Variants in VEGFD observed in about 807,000 individuals in gnomAD.
The protein encoded by VEGFD is c-fos induced growth factor (vascular endothelial growth factor D).
In VEGFD, 26 loss-of-function variants were observed where a neutral mutation model predicts 28.0. That is an observed-to-expected ratio of 0.93 (90% CI 0.68 to 1.29). The LOEUF (loss-of-function observed/expected upper bound fraction) is 1.29, where lower values mean the gene tolerates loss of function less well. VEGFD is among the 50% of genes most tolerant of loss of function. The probability of loss-of-function intolerance (pLI) is 0.00; values close to 1 mark genes in which losing one functional copy is unlikely to be tolerated. For missense variants in VEGFD, 294 were observed against 273.4 expected (o/e 1.08, Z -0.53); for synonymous variants, 93 against 95.5 (o/e 0.97, Z 0.15).
intron 5 of VEGFD, among the ~76,000 whole-genome samples, chrX:15,351,987 T>TA (rs1922742547): frequency 8.9e-6 from 1 of 112,409 alleles, no homozygotes; most frequent in African/African-American, 3.2e-5. Context: ...CACCCCTTGG[T>TA]GCTGCCTCAC....
intron 6 of VEGFD, 78 bp from the exon 7 acceptor site, chrX:15,346,337 TAAG>T: frequency 1.9e-6 from 2 of 1,064,214 alleles, no homozygotes; most frequent in Non-Finnish European, 2.5e-6. Flanking sequence ...CTGATTTGAT[TAAG>T]TTTTCCAGAC....
chrX:15,368,027 A>AAAGAAAGAAAGAAAGAAAGAAAGAAAGG (rs1346653041), intron 1 of VEGFD, among the ~76,000 whole-genome samples: 6 of 83,070 alleles, frequency 7.2e-5, no homozygotes, highest in Admixed American at 1.3e-4. Flanking sequence ...AGAAAGAAAG[A>AAAGAAAGAAAGAAAGAAAGAAAGAAAGG]AAGGAAAGAA....
At chrX:15,360,202 A>AT (rs1194683136) in intron 2 of VEGFD, among the ~76,000 whole-genome samples, 1 of 110,417 alleles carries the variant, frequency 9.1e-6, no homozygotes, top group Non-Finnish European at 1.9e-5. Flanking sequence ...CTTAATACCA[A>AT]TTTTTTTCAT....
At chrX:15,373,426 A>G (rs765597565) in intron 1 of VEGFD, among the ~76,000 whole-genome samples, 6 of 112,317 alleles carry the variant, frequency 5.3e-5, no homozygotes, top group Non-Finnish European at 1.1e-4. Flanking sequence ...CTAGAGAGCC[A>G]TGGGTCTGAG....
At chrX:15,374,047 C>A (rs1923376387) in intron 1 of VEGFD, among the ~76,000 whole-genome samples, 1 of 111,797 alleles carries the variant, frequency 8.9e-6, no homozygotes, top group Admixed American at 9.6e-5. Context: ...CAAGATGAAG[C>A]TTTGCCTAAT....
intron 5 of VEGFD, among the ~76,000 whole-genome samples, chrX:15,351,341 A>C (rs1375913206): frequency 9.5e-6 from 1 of 105,386 alleles, no homozygotes. Context: ...GGATGGTCTC[A>C]ATCTCCTGAC....
intron 1 of VEGFD, 145 bp from the exon 2 acceptor site, chrX:15,363,464 G>T: frequency 2.0e-6 from 1 of 495,362 alleles, no homozygotes; most frequent in Non-Finnish European, 3.3e-6. Flanking sequence ...TAGGAAAAAG[G>T]ATATCTTCTA....
intron 1 of VEGFD, among the ~76,000 whole-genome samples, chrX:15,379,783 T>C (rs12858444): frequency 0.21 from 23,806 of 111,329 alleles, 1,940 homozygotes; most frequent in South Asian, 0.38. Flanking sequence ...TCTTATTACC[T>C]CAAGTTCTAC....
intron 5 of VEGFD, 54 bp downstream of exon 5, chrX:15,353,014 C>CAA (rs1409368294): frequency 9.0e-5 from 60 of 669,237 alleles, no homozygotes; most frequent in Non-Finnish European, 2.1e-5. Flanking sequence ...ACGGTTGCTG[C>CAA]TATTGTTGCT....
Position 15,358,194 on chromosome X carries a change from C to A in VEGFD, c.302-1G>T. 1 of 1,201,033 alleles carries A rather than the reference C, an allele frequency of 8.3e-7. No individual in the cohort carries two copies. Among genetic ancestry groups the A allele is most frequent in the Non-Finnish European group, 1.1e-6 (1 of 890,039 alleles). ...GTTCTTTGCCATTCTTCATCTATAA[C>A]TGCAGAGAGAAAGAAAGCTCACTGG... On this transcript the variant is annotated splice_acceptor_variant, in intron 2 of 6. Coordinates refer to ENST00000297904, the MANE Select transcript of VEGFD (RefSeq NM_004469.5). LOFTEE classifies it high-confidence loss of function.
chrX:15,355,672 G>A (rs1922850969), intron 3 of VEGFD, among the ~76,000 whole-genome samples: 1 of 112,441 alleles, frequency 8.9e-6, no homozygotes, highest in African/African-American at 3.2e-5. Context: ...AAGAAATATA[G>A]TTTCCTGTCT....
In VEGFD at chrX:15,346,226, T is replaced by C. The variant is rs375547332; in HGVS notation, c.972A>G (p.Pro324=). ...CACATGCTGTTTTGCCACTTGCACA[T>C]GGTCTGGTATGAAAGGGGCATCTGT... ...CEDRCPFHTR[P]CASGKTACAK... is the part of the protein sequence containing the mutation. The change falls in exon 7 of 7, where the codon CCA becomes CCG. Residue 324 remains proline (P), a synonymous_variant. Transcript: ENST00000297904. 8.3e-7 allele frequency: 1 copy of C among 1,210,385 alleles called. No homozygotes were observed. Among genetic ancestry groups the C allele is most frequent in the Non-Finnish European group, 1.1e-6 (1 of 894,466 alleles).
At position 15,345,799 on chromosome X, in the gene VEGFD, C is replaced by A. The variant is rs1026263227; in HGVS notation, c.*334G>T. ...AGGACTCAGAGACTACAGTTTTCCTCATCTGCTCTGAGTAATCAGTCATAT... is the reference window on the plus strand; with the variant it reads ...AGGACTCAGAGACTACAGTTTTCCTAATCTGCTCTGAGTAATCAGTCATAT... On this transcript the variant is annotated 3_prime_UTR_variant, in exon 7 of 7. Transcript: ENST00000297904. 4 of 200,599 alleles carry A rather than the reference C, an allele frequency of 2.0e-5. No individual in the cohort carries two copies. The highest frequency in any genetic ancestry group is 1.2e-4 in the African/African-American group (4 of 34,254). The allele number at this position is 200,599 out of a possible 1,213,427, so 16.5% of individuals were successfully genotyped here. A position where few individuals can be genotyped will look rare whatever the true frequency, so the allele number is the denominator to read the frequency against.
At chrX:15,367,068 G>A (rs1446675136) in intron 1 of VEGFD, among the ~76,000 whole-genome samples, 1 of 111,923 alleles carries the variant, frequency 8.9e-6, no homozygotes, top group East Asian at 2.8e-4. Context: ...CAACAGACAG[G>A]AAGAAAGAAA....
rs777528286 is a variant in VEGFD, at chrX:15,359,824, G to C, written c.302-1631C>G. On this transcript the variant is annotated intron_variant, in intron 2 of 6. Transcript: ENST00000297904. ...GAACTTGAAAGCACACTCTGCTTCA[G>C]CTGTGCCCTAAGATGCCTGCAGCCC... 2.9e-4 allele frequency among the ~76,000 whole-genome samples: 32 copies of C among 112,020 alleles called. 1 individual carries two copies. The highest frequency in any genetic ancestry group is 1.7e-3 in the Admixed American group (18 of 10,559).
chrX:15,368,030 GGA>G (rs1569186613), intron 1 of VEGFD, among the ~76,000 whole-genome samples: 88 of 44,742 alleles, frequency 2.0e-3, no homozygotes, highest in African/African-American at 7.4e-3. Flanking sequence ...AAGAAAGAAA[GGA>G]AAGAAGAAAG....
chrX:15,346,801 C>G (rs772814211), intron 6 of VEGFD, among the ~76,000 whole-genome samples: 1 of 110,660 alleles, frequency 9.0e-6, no homozygotes. Context: ...TGTGGTGGCA[C>G]GTGCCTGTAA....
chrX:15,347,465 C>G (rs1332751867), intron 5 of VEGFD, 106 bp from the exon 6 acceptor site: 23 of 587,080 alleles, frequency 3.9e-5, no homozygotes, highest in Non-Finnish European at 5.9e-5. Flanking sequence ...TGGATTCACC[C>G]AATCTCCTTC....
chrX:15,358,378 T>C (rs1391441072), intron 2 of VEGFD, among the ~76,000 whole-genome samples, 185 bp from the exon 3 acceptor site: 1 of 111,858 alleles, frequency 8.9e-6, no homozygotes, highest in Admixed American at 9.6e-5. Flanking sequence ...AACCAATCTC[T>C]GTGCTCTTTC....
Sources: gnomAD v4.1 joint callset for allele counts (sites outside exome capture counted in the v4.1 genomes callset) on GRCh38, gnomAD v4.1.1 for gene constraint, MANE v1.5 for transcripts, NCBI Gene and HGNC (gene_info 2026-07-23, HGNC 2026-07-21) for gene names.